NOTCH2: variants seen among roughly 807,000 people sequenced by gnomAD.
The protein encoded by NOTCH2 is neurogenic locus notch homolog protein 2.
Under a neutral mutation model 235.8 loss-of-function variants are expected in NOTCH2, and 29 were observed. The observed-to-expected ratio is 0.12, with a 90% confidence interval of 0.09 to 0.17. The LOEUF (loss-of-function observed/expected upper bound fraction) is 0.17. Among genes scored for constraint, NOTCH2 ranks in the 10% least tolerant of loss-of-function variants. The probability of loss-of-function intolerance (pLI) is 1.00; values close to 1 mark genes in which losing one functional copy is unlikely to be tolerated. For missense variants in NOTCH2, 2,285 were observed against 3,150.2 expected, an observed-to-expected ratio of 0.73 and a Z score of 6.57; for synonymous variants, 1,086 against 1,141.5, an observed-to-expected ratio of 0.95 and a Z score of 0.98.
chr1:120,069,140 C>A (rs1171203984), intron 1 of NOTCH2, 194 bp downstream of exon 1: 6 of 1,526,688 alleles, frequency 3.9e-6, no homozygotes, highest in African/African-American at 2.8e-5. Flanking sequence ...CGGCGGGGAA[C>A]CCCGGCGGTT....
intron 12 of NOTCH2, among the ~76,000 whole-genome samples, chr1:119,957,885 A>ACACAC (rs1553198569): frequency 5.3e-4 from 41 of 77,052 alleles, no homozygotes; most frequent in East Asian, 2.2e-3. Flanking sequence ...CACACACACA[A>ACACAC]CAGGCCCCTA....
intron 22 of NOTCH2, among the ~76,000 whole-genome samples, chr1:119,934,030 A>C (rs1199490509): frequency 6.6e-6 from 1 of 152,266 alleles, no homozygotes; most frequent in Non-Finnish European, 1.5e-5. Context: ...AGAGAAAGGT[A>C]GCCCAACACA....
intron 2 of NOTCH2, among the ~76,000 whole-genome samples, chr1:120,023,299 TG>T (rs1165140953): frequency 1.3e-5 from 2 of 150,528 alleles, no homozygotes; most frequent in African/African-American, 4.9e-5. Flanking sequence ...TAGCCGGGCG[TG>T]GTGGCGGGCG....
chr1:119,918,322 T>A, intron 32 of NOTCH2, 84 bp downstream of exon 32: 6 of 1,475,084 alleles, frequency 4.1e-6, no homozygotes, highest in Non-Finnish European at 5.7e-6. Context: ...CTCAGGCAGT[T>A]CTCTAAGGGT....
Position 119,996,894 on chromosome 1 carries a change from C to A in NOTCH2, c.751+103G>T, listed in dbSNP as rs1652477384. 4.2e-6 allele frequency: 6 copies of A among 1,414,304 alleles called. No individual in the cohort carries two copies. The South Asian group carries it at 6.0e-5, about 14-fold the overall frequency. 87.6% of individuals were successfully genotyped at this position (1,414,304 alleles called of 1,614,324 possible). On this transcript the variant is annotated intron_variant, in intron 4 of 33. Transcript: ENST00000256646. ...CCCACCCCACACAAAATTCTCACTT[C>A]CCTTTTTCCTTGGGCTTCCTAAAAA...
rs1422632649 is a variant in NOTCH2 at position 119,915,917 on chromosome 1, C to G, written c.6805G>C (p.Gly2269Arg). The G allele has an allele frequency of 1.2e-6, 2 of 1,614,040 alleles. No individual in the cohort carries two copies. Among genetic ancestry groups the G allele is most frequent in the African/African-American group, 2.7e-5 (2 of 74,906 alleles). Residue 2269 changes from glycine to arginine, a missense_variant, in exon 34 of 34, where the codon GGT becomes CGT. Transcript: ENST00000256646. ...VNETQYNEMF[G>R]MVLAPAEGTH... The stretch of plus-strand genomic sequence containing the variant: ...CCCTCAGCTGGAGCCAGGACCATAC[C>G]AAACATCTCATTGTACTGGGTCTCA...
intron 19 of NOTCH2, 81 bp downstream of exon 19, chr1:119,940,474 A>G: frequency 7.8e-7 from 1 of 1,286,018 alleles, no homozygotes; most frequent in Non-Finnish European, 1.1e-6. Flanking sequence ...TTTAGAAGGA[A>G]CTTATTCAGA....
intron 12 of NOTCH2, 71 bp from the exon 13 acceptor site, chr1:119,955,303 G>T: frequency 6.7e-7 from 1 of 1,491,328 alleles, no homozygotes; most frequent in Non-Finnish European, 9.3e-7. Flanking sequence ...TATAAGACAC[G>T]TTATGTTGAC....
At chr1:119,963,434 T>C in intron 11 of NOTCH2, 140 bp downstream of exon 11, 1 of 825,510 alleles carries the variant, frequency 1.2e-6, no homozygotes. Flanking sequence ...GACATTTATG[T>C]TTGTGGCTTT....
At chr1:120,023,419 A>G (rs1289112038) in intron 2 of NOTCH2, among the ~76,000 whole-genome samples, 2 of 149,022 alleles carry the variant, frequency 1.3e-5, no homozygotes, top group Admixed American at 6.7e-5. Flanking sequence ...CCTGGGCCAC[A>G]GAGCGAGACT....
intron 29 of NOTCH2, among the ~76,000 whole-genome samples, chr1:119,921,323 A>T (rs1649278507): frequency 6.6e-6 from 1 of 152,188 alleles, no homozygotes; most frequent in Admixed American, 6.5e-5. Flanking sequence ...TGCCAATGTC[A>T]ATGATAACTG....
In NOTCH2 at chr1:120,069,452, A is replaced by G. The variant is rs781893861; in HGVS notation, c.-46T>C. The G allele has an allele frequency of 5.3e-6, 8 of 1,520,856 alleles. No individual in the cohort carries two copies. In the East Asian group the frequency reaches 7.5e-5, roughly 14 times the overall value. The allele number at this position is 1,520,856 out of a possible 1,614,324, so 94.2% of individuals were successfully genotyped here. A position where few individuals can be genotyped will look rare whatever the true frequency, so the allele number is the denominator to read the frequency against. On this transcript the variant is annotated 5_prime_UTR_variant, in exon 1 of 34. Coordinates refer to ENST00000256646, the MANE Select transcript of NOTCH2 (RefSeq NM_024408.4). ...CCGCCGCCGCCGCCGCCGCCTGGGCAGATCCACATGGGGAGGGGGTCCCGA... is the reference window on the plus strand; with the variant it reads ...CCGCCGCCGCCGCCGCCGCCTGGGCGGATCCACATGGGGAGGGGGTCCCGA...
At chr1:120,063,232 T>C (rs1434545159) in intron 1 of NOTCH2, among the ~76,000 whole-genome samples, 2 of 152,180 alleles carry the variant, frequency 1.3e-5, no homozygotes, top group African/African-American at 2.4e-5. Flanking sequence ...TTTCATTTGC[T>C]GCAGCAGCCC....
Position 119,915,715 on chromosome 1 carries a change from AG to A in NOTCH2, c.7006del (p.Leu2336CysfsTer22). The A allele has an allele frequency of 6.2e-7, 1 of 1,609,556 alleles. No homozygotes were observed. On this transcript the variant is annotated frameshift_variant, in exon 34 of 34. Transcript: ENST00000256646. LOFTEE classifies it high-confidence loss of function. ...STCPPAVAGP[L>X]PTMYQIPEMA... ...TTCTGGAATCTGGTACATGGTGGGC[AG>A]GGGGCCCGCAACAGCTGGAGGGCAG... is the stretch of plus-strand genomic sequence containing the variant.
rs898248472 is a variant in NOTCH2 at position 119,916,061 on chromosome 1, C to G, written c.6661G>C (p.Val2221Leu). The change falls in exon 34 of 34, where the codon GTG (valine) becomes CTG (leucine). Residue 2221 changes from valine (V) to leucine (L), a missense_variant. Val to Leu is a conservative substitution (Grantham distance 32). Transcript: ENST00000256646. ...TGGTGGTGGGATAGCAACTGGCTCACTGAGGGAAGCACAGTGCTGGCCCCA... is the reference window on the plus strand; with the variant it reads ...TGGTGGTGGGATAGCAACTGGCTCAGTGAGGGAAGCACAGTGCTGGCCCCA... The part of the protein sequence containing the change: ...AHGASTVLPS[V>L]SQLLSHHHIV... 4.3e-6 allele frequency: 7 copies of G among 1,613,870 alleles called. No homozygotes were observed. Among genetic ancestry groups the G allele is most frequent in the Non-Finnish European group, 5.9e-6 (7 of 1,180,026 alleles).
chr1:119,926,254 A>G (rs1270683815), intron 24 of NOTCH2, among the ~76,000 whole-genome samples: 1 of 152,236 alleles, frequency 6.6e-6, no homozygotes, highest in African/African-American at 2.4e-5. Flanking sequence ...CTTAAGACTG[A>G]CAGTCATGGA....
intron 31 of NOTCH2, among the ~76,000 whole-genome samples, chr1:119,919,085 A>G (rs1040061487): frequency 3.9e-5 from 6 of 152,130 alleles, no homozygotes; most frequent in Admixed American, 6.5e-5. Flanking sequence ...AATCAGAAAG[A>G]CTGGTGTTGT....
chr1:119,967,769 A>G (rs1279861679), intron 7 of NOTCH2, 148 bp from the exon 8 acceptor site: 1 of 779,746 alleles, frequency 1.3e-6, no homozygotes, highest in East Asian at 2.7e-5. Context: ...CCTTAATTTA[A>G]AAAGAAATAA....
Position 119,996,540 on chromosome 1 carries a change from A to G in NOTCH2, c.751+457T>C, listed in dbSNP as rs587632249. 5 of 657,410 alleles carry G rather than the reference A, an allele frequency of 7.6e-6. No individual in the cohort carries two copies. The East Asian group carries it at 1.4e-4, about 18-fold the overall frequency. 40.7% of individuals were successfully genotyped at this position (657,410 alleles called of 1,614,324 possible). A position where few individuals can be genotyped will look rare whatever the true frequency, so the allele number is the denominator to read the frequency against. The stretch of plus-strand genomic sequence containing the variant: ...AGGGCAGCTGGGTGCATTTAGGTGG[A>G]TAAGAAAACAATGAATTACTCCATC... On this transcript the variant is annotated intron_variant, in intron 4 of 33. Transcript: ENST00000256646.
Sources: allele counts gnomAD v4.1 joint callset (sites outside exome capture counted in the v4.1 genomes callset), GRCh38; gene constraint gnomAD v4.1.1; transcripts MANE v1.5; gene names NCBI Gene and HGNC (gene_info 2026-07-23, HGNC 2026-07-21).